Variants in FBLIM1 observed in about 807,000 individuals in gnomAD.
FBLIM1 encodes the protein filamin binding LIM protein 1.
Under a neutral mutation model 37.4 loss-of-function variants are expected in FBLIM1, and 29 were observed. That is an observed-to-expected ratio of 0.77 (90% CI 0.58 to 1.06). The LOEUF is 1.06. Among genes scored for constraint, FBLIM1 ranks in the 50% least tolerant of loss-of-function variants. The pLI, the probability that FBLIM1 is intolerant of heterozygous loss-of-function variation, is 0.00. For synonymous variants in FBLIM1, 193 were observed against 199.0 expected, an observed-to-expected ratio of 0.97 and a Z score of 0.25; for missense variants, 449 against 505.6, an observed-to-expected ratio of 0.89 and a Z score of 1.07.
intron 8 of FBLIM1, among the ~76,000 whole-genome samples, chr1:15,782,779 C>G (rs945483411): frequency 6.7e-6 from 1 of 149,872 alleles, no homozygotes; most frequent in Non-Finnish European, 1.5e-5. Flanking sequence ...GGAGGGCCAC[C>G]TGTGACCCCA....
intron 8 of FBLIM1, among the ~76,000 whole-genome samples, chr1:15,783,227 G>A (rs1466052766): frequency 1.3e-5 from 2 of 152,206 alleles, no homozygotes; most frequent in Non-Finnish European, 2.9e-5. Flanking sequence ...GAACAGTGAC[G>A]TTGGTAGAAT....
At chr1:15,782,969 T>A (rs1316711452) in intron 8 of FBLIM1, among the ~76,000 whole-genome samples, 1 of 152,078 alleles carries the variant, frequency 6.6e-6, no homozygotes, top group South Asian at 2.1e-4. Flanking sequence ...CTAATTTTTA[T>A]ATTTTTAGTA....
At chr1:15,780,794 AGG>A (rs1159832983) in intron 8 of FBLIM1, among the ~76,000 whole-genome samples, 3 of 152,260 alleles carry the variant, frequency 2.0e-5, no homozygotes, top group African/African-American at 7.2e-5. Context: ...ATTTTCACTG[AGG>A]TTATCAAAGG....
chr1:15,774,600 C>T lies in FBLIM1; in HGVS notation c.712-18C>T. 6.2e-7 allele frequency: 1 copy of T among 1,601,504 alleles called. No individual in the cohort carries two copies. Among genetic ancestry groups the T allele is most frequent in the Non-Finnish European group, 8.5e-7 (1 of 1,172,816 alleles). On this transcript the variant is annotated intron_variant, in intron 6 of 8. Transcript: ENST00000375766. ...GTGGGTGTGTCGTGGATGGTTCTGG[C>T]AGTGGCCTCTGTCCTAGGACACACT... is the stretch of plus-strand genomic sequence containing the variant.
intron 7 of FBLIM1, 108 bp from the exon 8 acceptor site, chr1:15,777,062 C>A: frequency 1.2e-6 from 1 of 800,546 alleles, no homozygotes; most frequent in South Asian, 1.6e-5. Context: ...AGCAACGGGA[C>A]TGAAATTGCT....
chr1:15,767,470 G>A lies in FBLIM1; in HGVS notation c.345G>A (p.Leu115=). 1 of 1,511,882 alleles carries A rather than the reference G, an allele frequency of 6.6e-7. No homozygotes were observed. Among genetic ancestry groups the A allele is most frequent in the Non-Finnish European group, 8.8e-7 (1 of 1,140,042 alleles). 93.7% of individuals were successfully genotyped at this position (1,511,882 alleles called of 1,614,324 possible). A position where few individuals can be genotyped will look rare whatever the true frequency, so the allele number is the denominator to read the frequency against. The change falls in exon 4 of 9, where the codon CTG becomes CTA. Residue 115 remains leucine (L), a synonymous_variant. Transcript: ENST00000375766. Reference sequence around the variant, plus strand: ...CTCCACCGCCCCCTCCAGTGCTTCTGCCTTCTGAAGAGGAGGCTCCTGCTC... The same window carrying A: ...CTCCACCGCCCCCTCCAGTGCTTCTACCTTCTGAAGAGGAGGCTCCTGCTC... ...PPPPPPPPVL[L]PSEEEAPAPM... is the part of the protein sequence containing the mutation.
At chr1:15,779,384 A>G (rs2069578807) in intron 8 of FBLIM1, among the ~76,000 whole-genome samples, 1 of 152,058 alleles carries the variant, frequency 6.6e-6, no homozygotes. Flanking sequence ...AGCTCACTGC[A>G]ACCTCCACCT....
chr1:15,783,569 CTTTTTTTTTTTTTTTTTTTT>C (rs58141962), intron 8 of FBLIM1, among the ~76,000 whole-genome samples: 2 of 81,258 alleles, frequency 2.5e-5, no homozygotes, highest in African/African-American at 9.8e-5. Context: ...AACTTACGTT[CTTTTTTTTTTTTTTTTTTTT>C]TTTTGAGATG....
intron 8 of FBLIM1, among the ~76,000 whole-genome samples, chr1:15,781,780 G>A (rs887992104): frequency 5.5e-5 from 8 of 144,888 alleles, no homozygotes; most frequent in African/African-American, 1.8e-4. Context: ...GTGCAGTGGT[G>A]CAATCTCGGC....
intron 8 of FBLIM1, among the ~76,000 whole-genome samples, chr1:15,779,989 C>T (rs2069595294): frequency 6.6e-6 from 1 of 152,118 alleles, no homozygotes; most frequent in African/African-American, 2.4e-5. Context: ...AAGCAGTTCT[C>T]TCACCTTAGC....
chr1:15,782,011 C>G (rs554353830), intron 8 of FBLIM1, among the ~76,000 whole-genome samples: 2 of 151,892 alleles, frequency 1.3e-5, no homozygotes, highest in Non-Finnish European at 2.9e-5. Flanking sequence ...AGCCACCGCA[C>G]CTGGCCTGTA....
chr1:15,762,809 C>T (rs1253125606), intron 1 of FBLIM1, among the ~76,000 whole-genome samples: 3 of 152,356 alleles, frequency 2.0e-5, no homozygotes, highest in South Asian at 2.1e-4. Context: ...GCTATCATCG[C>T]TTTCGTCCAC....
intron 1 of FBLIM1, among the ~76,000 whole-genome samples, chr1:15,760,648 C>G (rs191403190): frequency 5.1e-4 from 78 of 151,980 alleles, no homozygotes; most frequent in Admixed American, 2.0e-3. Context: ...GGTGACCCCC[C>G]CTGAGCTGCA....
Position 15,770,571 on chromosome 1 carries a change from G to A in FBLIM1, c.704G>A (p.Cys235Tyr), listed in dbSNP as rs758864655. The A allele has an allele frequency of 1.2e-6, 2 of 1,613,650 alleles. No homozygotes were observed. The highest frequency in any genetic ancestry group is 1.3e-5 in the African/African-American group (1 of 74,928). Residue 235 changes from cysteine (C) to tyrosine (Y), a missense_variant, in exon 6 of 9, where the codon TGC (cysteine) becomes TAC (tyrosine). By Grantham distance (194) the Cys-to-Tyr change is radical (BLOSUM62 -2). Transcript: ENST00000375766. Reference protein sequence around the residue: ...QKDGRPLCEPCYQDTLERCGK... With the variant: ...QKDGRPLCEPYYQDTLERCGK... The stretch of plus-strand genomic sequence containing the variant: ...GATGGGCGACCCCTCTGCGAACCCT[G>A]CTACCAGGTAACCCCTGCAGCAGAC...
intron 7 of FBLIM1, chr1:15,776,881 AAAAAG>A: frequency 4.0e-6 from 1 of 250,604 alleles, no homozygotes; most frequent in Non-Finnish European, 7.6e-6. Context: ...AAAAAAAAAA[AAAAAG>A]AAGTACTGAA....
rs1029829314 is a variant in FBLIM1 at position 15,758,805 on chromosome 1, G to C, written c.-254G>C. On this transcript the variant is annotated 5_prime_UTR_variant, in exon 1 of 9. Coordinates refer to ENST00000375766, the MANE Select transcript of FBLIM1 (RefSeq NM_017556.4). The surrounding 1 kb of genome is among the most constrained non-coding windows in gnomAD (Gnocchi z 6.2). ...AGGCCCAGCGGCTCCGGGCTCCGCT[G>C]GCTCGGGCGTCGGATCGGAGCCGCC... is the stretch of plus-strand genomic sequence containing the variant. 5 of 151,278 alleles carry C rather than the reference G, an allele frequency of 3.3e-5. No individual in the cohort carries two copies. Among genetic ancestry groups the C allele is most frequent in the African/African-American group, 7.3e-5 (3 of 41,240 alleles). 9.4% of individuals were successfully genotyped at this position (151,278 alleles called of 1,614,324 possible).
At chr1:15,769,108 A>G (rs1326416614) in intron 5 of FBLIM1, among the ~76,000 whole-genome samples, 1 of 152,188 alleles carries the variant, frequency 6.6e-6, no homozygotes, top group African/African-American at 2.4e-5. Flanking sequence ...TTTTTCCATA[A>G]GTAGCAAACT....
At chr1:15,775,043 C>G in intron 7 of FBLIM1, 1 of 733,350 alleles carries the variant, frequency 1.4e-6, no homozygotes, top group Non-Finnish European at 2.2e-6. Context: ...ATGGTGAAAC[C>G]CCGTCTCTAC....
chr1:15,777,942 T>C (rs1213735493), intron 8 of FBLIM1, among the ~76,000 whole-genome samples: 1 of 152,166 alleles, frequency 6.6e-6, no homozygotes, highest in African/African-American at 2.4e-5. Context: ...GCTGGCCTTC[T>C]CTGTGGGGAG....
Sources: gnomAD v4.1 joint callset for allele counts (sites outside exome capture counted in the v4.1 genomes callset) on GRCh38, gnomAD v4.1.1 for gene constraint, Gnocchi (gnomAD v3.1) non-coding constraint, MANE v1.5 for transcripts, NCBI Gene and HGNC (gene_info 2026-07-23, HGNC 2026-07-21) for gene names.